Variants in PCDHGB6 observed in about 807,000 individuals in gnomAD.
The protein encoded by PCDHGB6 is protocadherin gamma subfamily B, 6.
Under a neutral mutation model 59.1 loss-of-function variants are expected in PCDHGB6, and 51 were observed. The observed-to-expected ratio is 0.86, with a 90% CI of 0.69 to 1.09. The LOEUF is 1.09. PCDHGB6 is among the 50% of genes least tolerant of loss of function. PCDHGB6 has a pLI of 0.00. For synonymous variants in PCDHGB6, 466 were observed against 495.1 expected, an observed-to-expected ratio of 0.94 and a Z score of 0.78; for missense variants, 1,148 against 1,205.1, an observed-to-expected ratio of 0.95 and a Z score of 0.70.
chr5:141,505,577 G>A lies in PCDHGB6; in HGVS notation c.2566+96G>A, dbSNP rs537948666. 8.2e-6 allele frequency: 13 copies of A among 1,589,854 alleles called. No homozygotes were observed. The African/African-American group carries it at 1.1e-4, about 13-fold the overall frequency. Reference sequence around the variant, plus strand: ...TGCCCACGGACTGGATGTCAAACCTGTGTAGTTTCTCCAGATCTTTCGGCA... The same window carrying A: ...TGCCCACGGACTGGATGTCAAACCTATGTAGTTTCTCCAGATCTTTCGGCA... On this transcript the variant is annotated intron_variant, in intron 3 of 3. Coordinates refer to ENST00000520790, the MANE Select transcript of PCDHGB6 (RefSeq NM_018926.3).
chr5:141,429,910 T>C (rs2097252047), intron 1 of PCDHGB6, among the ~76,000 whole-genome samples: 1 of 152,230 alleles, frequency 6.6e-6, no homozygotes, highest in East Asian at 1.9e-4. Context: ...TTTTGAAATA[T>C]AATGTATTAA....
chr5:141,506,444 CAAAAAA>C (rs1219684339), intron 3 of PCDHGB6, among the ~76,000 whole-genome samples: 1 of 95,026 alleles, frequency 1.1e-5, no homozygotes, highest in African/African-American at 4.0e-5. Flanking sequence ...CGCTCTGTCT[CAAAAAA>C]AAAAAAAAAA....
At chr5:141,427,132 G>T (rs755992698) in intron 1 of PCDHGB6, 1 of 457,106 alleles carries the variant, frequency 2.2e-6, no homozygotes, top group Non-Finnish European at 4.4e-6. Context: ...AAATCCCTAC[G>T]AGATGATATT....
chr5:141,494,194 G>A (rs1446357035), intron 1 of PCDHGB6, among the ~76,000 whole-genome samples: 2 of 152,182 alleles, frequency 1.3e-5, no homozygotes, highest in Non-Finnish European at 2.9e-5. Flanking sequence ...GGACTTGGAT[G>A]CCCCGCAAAG....
At chr5:141,495,379 C>T (rs989240656) in intron 2 of PCDHGB6, among the ~76,000 whole-genome samples, 3 of 152,208 alleles carry the variant, frequency 2.0e-5, no homozygotes, top group Non-Finnish European at 4.4e-5. Context: ...TGAGGAAGGA[C>T]TGGGCGGGGC....
rs1554175372 is a variant in PCDHGB6, at chr5:141,490,827, G to A, written c.2419-3980G>A. ...CCTTTGACTATGAATTGCTGCAGAT[G>A]CTGCAGATTGTGGTGGGGGTTCGAG... On this transcript the variant is annotated intron_variant, in intron 1 of 3. Transcript: ENST00000520790. This position sits in a 1 kb window ranked among gnomAD's most constrained non-coding sequence, Gnocchi z 5.4. 1 of 1,613,744 alleles carries A rather than the reference G, an allele frequency of 6.2e-7. No individual in the cohort carries two copies. Among genetic ancestry groups the A allele is most frequent in the Non-Finnish European group, 8.5e-7 (1 of 1,179,828 alleles).
intron 1 of PCDHGB6, chr5:141,428,659 G>A: frequency 6.1e-6 from 1 of 164,982 alleles, no homozygotes; most frequent in East Asian, 1.8e-4. Context: ...GAGTTCCAAT[G>A]AATGTCTTTC....
chr5:141,445,276 C>T (rs761058385), intron 1 of PCDHGB6, among the ~76,000 whole-genome samples: 1 of 152,218 alleles, frequency 6.6e-6, no homozygotes, highest in Non-Finnish European at 1.5e-5. Flanking sequence ...AACCACTCTG[C>T]ATAAGTTCAG....
chr5:141,456,390 T>G (rs1007800936), intron 1 of PCDHGB6, among the ~76,000 whole-genome samples: 2 of 152,114 alleles, frequency 1.3e-5, no homozygotes, highest in African/African-American at 4.8e-5. Context: ...CGTTTGGAGT[T>G]TGATTGCTTC....
Position 141,421,984 on chromosome 5 carries a change from C to G in PCDHGB6, c.2418+11364C>G, listed in dbSNP as rs201871921. On this transcript the variant is annotated intron_variant, in intron 1 of 3. Transcript: ENST00000520790. ...ACAGTCCGTATATCGCGTGAGTGTT[C>G]CAGAAAACATCAGCTCCGGAACTCG... 21 of 1,608,770 alleles carry G rather than the reference C, an allele frequency of 1.3e-5. No homozygotes were observed. In the Admixed American group the frequency reaches 2.4e-4, roughly 18 times the overall value.
At chr5:141,494,736 T>C in intron 1 of PCDHGB6, 71 bp from the exon 2 acceptor site, 1 of 1,611,858 alleles carries the variant, frequency 6.2e-7, no homozygotes, top group Non-Finnish European at 8.5e-7. Context: ...TCCCGGCCCA[T>C]CCCTAGGGGC....
chr5:141,485,586 TG>T lies in PCDHGB6; in HGVS notation c.2419-9219del. The T allele has an allele frequency of 6.2e-7, 1 of 1,612,402 alleles. No homozygotes were observed. Among genetic ancestry groups the T allele is most frequent in the Non-Finnish European group, 8.5e-7 (1 of 1,178,600 alleles). Reference sequence around the variant, plus strand: ...GCCCCCCGTTTTCCGCGGCAGCAGCTGGACTTGGAAATTGGGGAGGCAGCTC... The same window carrying T: ...GCCCCCCGTTTTCCGCGGCAGCAGCTGACTTGGAAATTGGGGAGGCAGCTC... On this transcript the variant is annotated intron_variant, in intron 1 of 3. Coordinates refer to ENST00000520790, the MANE Select transcript of PCDHGB6 (RefSeq NM_018926.3). The surrounding 1 kb of genome is among the most constrained non-coding windows in gnomAD (Gnocchi z 5.7).
chr5:141,474,325 C>A (rs540113771), intron 1 of PCDHGB6, among the ~76,000 whole-genome samples: 1 of 152,256 alleles, frequency 6.6e-6, no homozygotes, highest in Admixed American at 6.5e-5. Context: ...TTTCAAATCA[C>A]CCTGATGTTT....
At chr5:141,424,068 G>T in intron 1 of PCDHGB6, 1 of 993,858 alleles carries the variant, frequency 1.0e-6, no homozygotes. Flanking sequence ...TCACTGATTT[G>T]TAGTTATATT....
intron 1 of PCDHGB6, 143 bp from the exon 2 acceptor site, chr5:141,494,664 A>T: frequency 6.7e-7 from 1 of 1,500,298 alleles, no homozygotes; most frequent in Non-Finnish European, 8.9e-7. Flanking sequence ...GTCTTTGGAG[A>T]TGAGTCCACC....
In PCDHGB6 at chr5:141,486,709, C is replaced by G. The variant is rs1485764871; in HGVS notation, c.2419-8098C>G. ...CTTCCTCTTTCATCTCTCTGAACCC[C>G]CAGACAGGAGCTGTTCATGCTACTC... On this transcript the variant is annotated intron_variant, in intron 1 of 3. Coordinates refer to ENST00000520790, the MANE Select transcript of PCDHGB6 (RefSeq NM_018926.3). The surrounding 1 kb of genome is among the most constrained non-coding windows in gnomAD (Gnocchi z 5.0). 1 of 1,614,182 alleles carries G rather than the reference C, an allele frequency of 6.2e-7. No individual in the cohort carries two copies. Among genetic ancestry groups the G allele is most frequent in the Middle Eastern group, 1.6e-4 (1 of 6,062 alleles).
rs754140602 is a variant in PCDHGB6 at position 141,410,043 on chromosome 5, C to G, written c.1841C>G (p.Pro614Arg). ...LSYHVLQASE[P>R]GLFSLGLRTG... is the part of the protein sequence containing the mutation. Reference sequence around the variant, plus strand: ...TACCACGTGCTGCAGGCCAGTGAGCCCGGACTCTTCAGCCTGGGGCTGCGC... The same window carrying G: ...TACCACGTGCTGCAGGCCAGTGAGCGCGGACTCTTCAGCCTGGGGCTGCGC... Residue 614 changes from proline (P) to arginine (R), a missense_variant, in exon 1 of 4, where the codon CCC becomes CGC. By Grantham distance (103) the Pro-to-Arg change is moderately radical. This residue lies in a region of PCDHGB6 where 549 missense variants were observed against 527.5 expected (regional missense o/e 1.04). Transcript: ENST00000520790. 13 of 1,613,080 alleles carry G rather than the reference C, an allele frequency of 8.1e-6. No homozygotes were observed. The South Asian group carries it at 1.2e-4, about 15-fold the overall frequency.
intron 1 of PCDHGB6, among the ~76,000 whole-genome samples, chr5:141,461,366 A>G (rs1186381077): frequency 6.6e-6 from 1 of 151,964 alleles, no homozygotes; most frequent in Non-Finnish European, 1.5e-5. Flanking sequence ...TTGTGGTTTT[A>G]ATTTGCATTT....
At chr5:141,423,702 C>T in intron 1 of PCDHGB6, 4 of 1,340,970 alleles carry the variant, frequency 3.0e-6, no homozygotes, top group South Asian at 1.6e-5. Flanking sequence ...GGTGTCTTGG[C>T]ACAAGTCTTT....
Sources: allele counts gnomAD v4.1 joint callset (sites outside exome capture counted in the v4.1 genomes callset), GRCh38; gene constraint gnomAD v4.1.1; regional missense constraint gnomAD v4.1.1; non-coding constraint Gnocchi (gnomAD v3.1); transcripts MANE v1.5; gene names NCBI Gene and HGNC (gene_info 2026-07-23, HGNC 2026-07-21).